The following CTNNA2 variants were observed in gnomAD, a reference collection of about 807,000 sequenced individuals.
The protein encoded by CTNNA2 is catenin alpha 2.
In CTNNA2, 42 loss-of-function variants were observed where a neutral mutation model predicts 101.0. That is an observed-to-expected ratio of 0.42 (90% CI 0.32 to 0.54). The LOEUF (loss-of-function observed/expected upper bound fraction) is 0.54. Among genes scored for constraint, CTNNA2 ranks in the 20% least tolerant of loss-of-function variants. CTNNA2 has a pLI of 0.14. For synonymous variants in CTNNA2, 450 were observed against 456.4 expected, an observed-to-expected ratio of 0.99 and a Z score of 0.18; for missense variants, 871 against 1,223.1, an observed-to-expected ratio of 0.71 and a Z score of 4.29.
intron 9 of CTNNA2, among the ~76,000 whole-genome samples, chr2:80,531,909 C>T (rs539140747): frequency 6.6e-6 from 1 of 152,260 alleles, no homozygotes; most frequent in South Asian, 2.1e-4. Flanking sequence ...TGGGGGTTGG[C>T]AATCTTCTTC....
intron 2 of CTNNA2, chr2:79,281,515 C>A (rs1235150624): frequency 6.6e-6 from 1 of 152,190 alleles, no homozygotes; most frequent in Non-Finnish European, 1.5e-5. Flanking sequence ...AATAAAGCAA[C>A]AAAGAACTGC....
intron 7 of CTNNA2, among the ~76,000 whole-genome samples, chr2:79,982,409 AAC>A (rs1283140944): frequency 2.0e-5 from 3 of 146,772 alleles, no homozygotes; most frequent in Non-Finnish European, 4.5e-5. Flanking sequence ...TATAACATAT[AAC>A]ACATATATAA....
chr2:79,387,767 C>A (rs543365792), intron 4 of CTNNA2, among the ~76,000 whole-genome samples: 1 of 152,262 alleles, frequency 6.6e-6, no homozygotes, highest in East Asian at 1.9e-4. Flanking sequence ...AGGCAGTGGG[C>A]TCACTGACAT....
intron 3 of CTNNA2, among the ~76,000 whole-genome samples, chr2:79,314,224 C>T (rs886776878): frequency 3.3e-5 from 5 of 152,160 alleles, no homozygotes; most frequent in Non-Finnish European, 5.9e-5. Flanking sequence ...TTGTCATTCT[C>T]TTTAGTACTG....
intron 3 of CTNNA2, among the ~76,000 whole-genome samples, chr2:79,774,208 C>A (rs1286474686): frequency 6.6e-6 from 1 of 152,162 alleles, no homozygotes; most frequent in Admixed American, 6.5e-5. Flanking sequence ...GAGAAGAAGG[C>A]ATGAAGACCC....
chr2:80,409,210 TCTTCTGGGCTAAGTTAG>T (rs545867417), intron 8 of CTNNA2, among the ~76,000 whole-genome samples: 6,376 of 152,018 alleles, frequency 0.042, 327 homozygotes, highest in African/African-American at 0.12. Context: ...AAATGCCAAC[TCTTCTGGGCTAAGTTAG>T]ACATTGGGCA....
intron 15 of CTNNA2, among the ~76,000 whole-genome samples, chr2:80,591,300 C>A (rs1026547118): frequency 6.6e-6 from 1 of 151,954 alleles, no homozygotes; most frequent in African/African-American, 2.4e-5. Flanking sequence ...CTACTAGTTA[C>A]AATTTTTCCC....
At chr2:79,783,380 G>C (rs948156323) in intron 3 of CTNNA2, among the ~76,000 whole-genome samples, 3 of 152,118 alleles carry the variant, frequency 2.0e-5, no homozygotes, top group African/African-American at 7.2e-5. Flanking sequence ...ATCTCTACTA[G>C]GATTATGACT....
At chr2:80,001,160 G>A (rs1037104936) in intron 7 of CTNNA2, among the ~76,000 whole-genome samples, 5 of 152,084 alleles carry the variant, frequency 3.3e-5, no homozygotes, top group African/African-American at 1.2e-4. Flanking sequence ...TAAACTATCA[G>A]TAATTAATTG....
intron 7 of CTNNA2, among the ~76,000 whole-genome samples, chr2:79,975,118 C>A (rs1690743808): frequency 6.6e-6 from 1 of 151,584 alleles, no homozygotes; most frequent in Non-Finnish European, 1.5e-5. Context: ...CTTGGACCAA[C>A]AATCTGAAAT....
intron 12 of CTNNA2, among the ~76,000 whole-genome samples, chr2:80,559,326 G>T (rs1693340346): frequency 6.6e-6 from 1 of 152,156 alleles, no homozygotes. Context: ...TGCTGCTGAA[G>T]GTGTTTACAC....
At chr2:80,590,951 T>C (rs772122841) in intron 15 of CTNNA2, among the ~76,000 whole-genome samples, 2 of 152,222 alleles carry the variant, frequency 1.3e-5, no homozygotes, top group African/African-American at 2.4e-5. Flanking sequence ...TGTGATGACT[T>C]AATTTGCTTG....
chr2:79,854,664 G>A (rs1310866898), intron 3 of CTNNA2, among the ~76,000 whole-genome samples: 1 of 152,116 alleles, frequency 6.6e-6, no homozygotes, highest in Non-Finnish European at 1.5e-5. Flanking sequence ...TCCCTTATTT[G>A]GTAATGTTAA....
In CTNNA2 at chr2:79,327,938, G is replaced by A. The variant is rs150738347; in HGVS notation, c.-318+15142G>A. On this transcript the variant is annotated intron_variant, in intron 3 of 21. Coordinates refer to the CTNNA2 transcript ENST00000466387. ...AGGCAAAGGTAGGGTGTGGAGGAATGAGTCTATGTCACAAAGATGCCCTGG... is the reference window on the plus strand; with the variant it reads ...AGGCAAAGGTAGGGTGTGGAGGAATAAGTCTATGTCACAAAGATGCCCTGG... Among the ~76,000 whole-genome samples the A allele has an allele frequency of 5.3e-3, 808 of 152,162 alleles. 10 individuals carry two copies. Among genetic ancestry groups the A allele is most frequent in the African/African-American group, 0.018 (745 of 41,508 alleles).
intron 7 of CTNNA2, among the ~76,000 whole-genome samples, chr2:80,088,473 T>C (rs998253561): frequency 6.6e-6 from 1 of 152,028 alleles, no homozygotes; most frequent in Non-Finnish European, 1.5e-5. Context: ...CTAAATACTA[T>C]GGGTTTAGCA....
In CTNNA2 at chr2:79,452,395, C is replaced by T. The variant is rs536170913; in HGVS notation, c.-134-52659C>T. Among the ~76,000 whole-genome samples, 9 of 151,996 alleles carry T rather than the reference C, an allele frequency of 5.9e-5. No homozygotes were observed. In the East Asian group the frequency reaches 1.8e-3, roughly 30 times the overall value. On this transcript the variant is annotated intron_variant, in intron 4 of 21. Coordinates refer to the CTNNA2 transcript ENST00000466387. ...CTCTGCTTGAAGGAAAGAAATGCCA[C>T]AGATGAAAGTAGTATGTTTTTTCAT...
At chr2:80,515,123 A>T (rs1322493940) in intron 9 of CTNNA2, among the ~76,000 whole-genome samples, 88 of 151,450 alleles carry the variant, frequency 5.8e-4, no homozygotes. Context: ...ATCTTATGGT[A>T]CCAACAATTT....
chr2:79,407,078 T>G, intron 4 of CTNNA2, among the ~76,000 whole-genome samples: 1 of 152,086 alleles, frequency 6.6e-6, no homozygotes, highest in East Asian at 1.9e-4. Flanking sequence ...TGGACTCATT[T>G]ATTTATTCCG....
chr2:79,508,440 G>C (rs1164821149), upstream of CTNNA2, among the ~76,000 whole-genome samples: 1 of 151,836 alleles, frequency 6.6e-6, no homozygotes, highest in East Asian at 1.9e-4. Context: ...TCTCCTAAAG[G>C]GAAAGTAAAT....
Sources: gnomAD v4.1 joint callset for allele counts (sites outside exome capture counted in the v4.1 genomes callset) on GRCh38, gnomAD v4.1.1 for gene constraint, MANE v1.5 for transcripts, NCBI Gene and HGNC (gene_info 2026-07-23, HGNC 2026-07-21) for gene names.